The following PRDM11 variants were observed in gnomAD, a reference collection of about 807,000 sequenced individuals.
PRDM11 encodes PR domain-containing protein 11.
In PRDM11, 20 loss-of-function variants were observed where a neutral mutation model predicts 97.8. The observed-to-expected ratio is 0.20, with a 90% CI of 0.14 to 0.30. The LOEUF is 0.30. Ranked by LOEUF, PRDM11 falls within the 10% of genes least tolerant of loss-of-function variation. The pLI, the probability that PRDM11 is intolerant of heterozygous loss-of-function variation, is 1.00. For synonymous variants in PRDM11, 599 were observed against 637.7 expected (o/e 0.94, Z 0.91); for missense variants, 1,139 against 1,555.2 (o/e 0.73, Z 4.50).
At chr11:45,119,309 G>A (rs946257201) in intron 1 of PRDM11, among the ~76,000 whole-genome samples, 2 of 152,112 alleles carry the variant, frequency 1.3e-5, no homozygotes, top group Admixed American at 6.5e-5. Context: ...AAGGTCAGAC[G>A]GAACTTTCAG....
chr11:45,136,343 G>C (rs1004519202), intron 1 of PRDM11, among the ~76,000 whole-genome samples: 4 of 152,178 alleles, frequency 2.6e-5, no homozygotes, highest in African/African-American at 9.7e-5. Context: ...GTAAGCCAAG[G>C]TGAAGTGAAA....
intron 1 of PRDM11, among the ~76,000 whole-genome samples, chr11:45,126,570 G>C (rs1590358522): frequency 1.3e-5 from 2 of 152,118 alleles, no homozygotes; most frequent in Admixed American, 6.5e-5. Flanking sequence ...TGTCTGTAAA[G>C]TATTTTATTT....
intron 1 of PRDM11, among the ~76,000 whole-genome samples, chr11:45,160,018 C>T (rs1851892705): frequency 6.6e-6 from 1 of 152,182 alleles, no homozygotes. Context: ...ATTGAAGATC[C>T]ACAACTCCAG....
chr11:45,111,453 C>T (rs1852178643), intron 1 of PRDM11, among the ~76,000 whole-genome samples: 1 of 152,198 alleles, frequency 6.6e-6, no homozygotes, highest in Admixed American at 6.5e-5. Context: ...TCTCTCTCAT[C>T]TGGAAGCAGC....
Position 45,182,909 on chromosome 11 carries a change from G to GC in PRDM11, c.278dup (p.Val94GlyfsTer5). The GC allele has an allele frequency of 6.2e-7, 1 of 1,611,170 alleles. No homozygotes were observed. The highest frequency in any genetic ancestry group is 8.5e-7 in the Non-Finnish European group (1 of 1,178,346). On this transcript the variant is annotated frameshift_variant, in exon 4 of 8. Coordinates refer to ENST00000683152, the MANE Select transcript of PRDM11 (RefSeq NM_001384648.1). LOFTEE classifies it high-confidence loss of function. ...TTCGTGGATGAATGCCCAAACCATG[G>GC]CCCCCCGGTGTTTGTGTCTGACACA... is the stretch of plus-strand genomic sequence containing the variant.
intron 1 of PRDM11, among the ~76,000 whole-genome samples, chr11:45,104,813 C>T (rs1302191547): frequency 2.6e-5 from 4 of 152,144 alleles, no homozygotes; most frequent in Admixed American, 6.5e-5. Flanking sequence ...TAATTCAGAT[C>T]GGGGACCCAG....
intron 1 of PRDM11, among the ~76,000 whole-genome samples, chr11:45,134,131 C>T (rs969963811): frequency 2.0e-5 from 3 of 152,252 alleles, no homozygotes; most frequent in East Asian, 1.9e-4. Context: ...GGTGATTAGG[C>T]GAGTCCTTTG....
At chr11:45,124,037 G>T (rs1852506983) in intron 1 of PRDM11, among the ~76,000 whole-genome samples, 1 of 149,002 alleles carries the variant, frequency 6.7e-6, no homozygotes, top group Non-Finnish European at 1.5e-5. Flanking sequence ...GTGGTTTGTA[G>T]TTCTCCTTGA....
At chr11:45,130,917 A>G (rs1305886042) in intron 1 of PRDM11, among the ~76,000 whole-genome samples, 1 of 152,206 alleles carries the variant, frequency 6.6e-6, no homozygotes, top group African/African-American at 2.4e-5. Context: ...CCCAAGATAC[A>G]TTAGAGTACA....
chr11:45,132,975 ACCCCAT>A (rs1554965760), intron 1 of PRDM11, among the ~76,000 whole-genome samples: 2 of 152,076 alleles, frequency 1.3e-5, no homozygotes, highest in Admixed American at 6.6e-5. Context: ...TGCCACACAT[ACCCCAT>A]CCCCATCCCC....
At chr11:45,153,218 G>T (rs765426887) in intron 1 of PRDM11, among the ~76,000 whole-genome samples, 4 of 152,214 alleles carry the variant, frequency 2.6e-5, no homozygotes, top group Non-Finnish European at 2.9e-5. Flanking sequence ...ATAAAATCCA[G>T]CAAAGTGCCT....
At chr11:45,194,000 T>C (rs188252122) in intron 4 of PRDM11, among the ~76,000 whole-genome samples, 5 of 152,348 alleles carry the variant, frequency 3.3e-5, no homozygotes, top group Admixed American at 6.5e-5. Flanking sequence ...GCTTTGCTCA[T>C]ATCATGTTTG....
chr11:45,126,706 A>G (rs368530081), intron 1 of PRDM11, among the ~76,000 whole-genome samples: 10 of 152,140 alleles, frequency 6.6e-5, no homozygotes, highest in East Asian at 1.9e-4. Flanking sequence ...CGAGAGATCC[A>G]CTGTTAGTCT....
chr11:45,222,867 C>T (rs138047537), intron 6 of PRDM11, among the ~76,000 whole-genome samples: 4 of 152,302 alleles, frequency 2.6e-5, no homozygotes, highest in African/African-American at 9.6e-5. Context: ...AGGGCCCCTG[C>T]ACCTGGTCTA....
chr11:45,105,577 C>G (rs1852046833), intron 1 of PRDM11, among the ~76,000 whole-genome samples: 1 of 152,232 alleles, frequency 6.6e-6, no homozygotes, highest in African/African-American at 2.4e-5. Flanking sequence ...GACTCTGCAG[C>G]CCCTCCCTCC....
chr11:45,125,253 G>A (rs1318586141), intron 1 of PRDM11, among the ~76,000 whole-genome samples: 1 of 151,964 alleles, frequency 6.6e-6, no homozygotes, highest in Non-Finnish European at 1.5e-5. Context: ...AGTCTTGCTA[G>A]CGGTCTATCA....
chr11:45,103,394 G>A (rs994577736), intron 1 of PRDM11, among the ~76,000 whole-genome samples: 7 of 152,190 alleles, frequency 4.6e-5, no homozygotes, highest in South Asian at 2.1e-4. Flanking sequence ...GAGGAAAGAG[G>A]AAGAGGAAAT....
At chr11:45,189,164 G>T (rs1185744667) in intron 4 of PRDM11, among the ~76,000 whole-genome samples, 2 of 152,146 alleles carry the variant, frequency 1.3e-5, no homozygotes, top group Non-Finnish European at 2.9e-5. Flanking sequence ...GCCTCCCAAA[G>T]TGCTGGGATT....
intron 4 of PRDM11, among the ~76,000 whole-genome samples, chr11:45,200,118 G>T (rs1853274991): frequency 6.6e-6 from 1 of 152,230 alleles, no homozygotes; most frequent in Non-Finnish European, 1.5e-5. Context: ...ACATTTGTTG[G>T]TTGAATGAAT....
Sources: gnomAD v4.1 joint callset for allele counts (sites outside exome capture counted in the v4.1 genomes callset) on GRCh38, gnomAD v4.1.1 for gene constraint, MANE v1.5 for transcripts, NCBI Gene and HGNC (gene_info 2026-07-23, HGNC 2026-07-21) for gene names.